PDZRN4: variants seen among roughly 807,000 people sequenced by gnomAD.
The protein encoded by PDZRN4 is PDZ domain-containing RING finger protein 4.
In PDZRN4, 70 loss-of-function variants were observed where a neutral mutation model predicts 99.0. The observed-to-expected ratio is 0.71, with a 90% CI of 0.58 to 0.86. The LOEUF (loss-of-function observed/expected upper bound fraction) is 0.86. Among genes scored for constraint, PDZRN4 ranks in the 40% least tolerant of loss-of-function variants. The pLI, the probability that PDZRN4 is intolerant of heterozygous loss-of-function variation, is 0.00. For synonymous variants in PDZRN4, 551 were observed against 501.6 expected (o/e 1.10, Z -1.32); for missense variants, 1,474 against 1,331.2 (o/e 1.11, Z -1.67).
intron 3 of PDZRN4, among the ~76,000 whole-genome samples, chr12:41,312,390 G>C (rs989859545): frequency 6.6e-6 from 1 of 152,094 alleles, no homozygotes. Flanking sequence ...TCCAGGTCTT[G>C]TAGTATCTTC....
At chr12:41,331,014 C>T (rs534951046) in intron 3 of PDZRN4, among the ~76,000 whole-genome samples, 7 of 152,218 alleles carry the variant, frequency 4.6e-5, no homozygotes, top group Middle Eastern at 3.4e-3. Context: ...GAGAGAATTA[C>T]TGAAGTGGAT....
At chr12:41,235,208 A>G (rs1489048888) in intron 3 of PDZRN4, among the ~76,000 whole-genome samples, 2 of 152,118 alleles carry the variant, frequency 1.3e-5, no homozygotes, top group East Asian at 3.9e-4. Context: ...ACAATCAAAT[A>G]TGAACTCTTC....
intron 1 of PDZRN4, among the ~76,000 whole-genome samples, chr12:41,190,346 G>A (rs1404403473): frequency 6.6e-6 from 1 of 152,254 alleles, no homozygotes; most frequent in South Asian, 2.1e-4. Flanking sequence ...ATACATATAC[G>A]CATATATACA....
At chr12:41,390,500 C>T (rs1952202617) in intron 3 of PDZRN4, among the ~76,000 whole-genome samples, 1 of 147,858 alleles carries the variant, frequency 6.8e-6, no homozygotes, top group African/African-American at 2.5e-5. Context: ...AGAATTTTGC[C>T]CCATACTCTC....
intron 3 of PDZRN4, among the ~76,000 whole-genome samples, chr12:41,268,955 C>A (rs530156494): frequency 6.6e-6 from 1 of 152,298 alleles, no homozygotes; most frequent in African/African-American, 2.4e-5. Context: ...TAATACAATT[C>A]TGTATAGTAA....
intron 3 of PDZRN4, among the ~76,000 whole-genome samples, chr12:41,445,358 A>G (rs1342710036): frequency 6.6e-6 from 1 of 152,066 alleles, no homozygotes; most frequent in African/African-American, 2.4e-5. Context: ...TTTGTTATTC[A>G]TTTCCAATCA....
intron 3 of PDZRN4, among the ~76,000 whole-genome samples, chr12:41,309,411 G>C (rs1270834963): frequency 6.6e-6 from 1 of 151,776 alleles, no homozygotes. Flanking sequence ...AAAGAGAAGG[G>C]GGCTGAACTT....
chr12:41,273,333 C>T (rs1301069644), intron 3 of PDZRN4, among the ~76,000 whole-genome samples: 1 of 151,964 alleles, frequency 6.6e-6, no homozygotes, highest in Non-Finnish European at 1.5e-5. Context: ...CTGGCAAGCG[C>T]AAGAATGATC....
intron 3 of PDZRN4, among the ~76,000 whole-genome samples, chr12:41,340,655 A>G (rs966119436): frequency 6.6e-6 from 1 of 151,862 alleles, no homozygotes; most frequent in Non-Finnish European, 1.5e-5. Flanking sequence ...CCCTGATGTG[A>G]TTATCATATA....
At chr12:41,451,226 G>A (rs906116101) in intron 3 of PDZRN4, among the ~76,000 whole-genome samples, 1 of 150,808 alleles carries the variant, frequency 6.6e-6, no homozygotes, top group Non-Finnish European at 1.5e-5. Context: ...TAGACTAAAT[G>A]GCTTAATTTA....
At chr12:41,442,807 T>C (rs1278067780) in intron 3 of PDZRN4, among the ~76,000 whole-genome samples, 2 of 152,062 alleles carry the variant, frequency 1.3e-5, no homozygotes, top group African/African-American at 4.8e-5. Flanking sequence ...TCTATGAGGA[T>C]CTGACCTACC....
intron 3 of PDZRN4, among the ~76,000 whole-genome samples, chr12:41,215,960 G>A (rs113975139): frequency 0.017 from 2,604 of 151,804 alleles, 53 homozygotes; most frequent in African/African-American, 0.047. Context: ...ATCATAAAGT[G>A]TTCTACAAAT....
chr12:41,211,145 C>T (rs1950885674), intron 3 of PDZRN4, among the ~76,000 whole-genome samples: 1 of 151,994 alleles, frequency 6.6e-6, no homozygotes, highest in Non-Finnish European at 1.5e-5. Flanking sequence ...ATATTTCCAG[C>T]TGCCAGAGTT....
chr12:41,361,954 T>A (rs1443347285), intron 3 of PDZRN4, among the ~76,000 whole-genome samples: 1 of 152,052 alleles, frequency 6.6e-6, no homozygotes, highest in Non-Finnish European at 1.5e-5. Flanking sequence ...GACATTGAGA[T>A]GGATGAAGCC....
chr12:41,571,424 C>T (rs10444591), intron 9 of PDZRN4, among the ~76,000 whole-genome samples: 1 of 147,464 alleles, frequency 6.8e-6, no homozygotes, highest in Non-Finnish European at 1.5e-5. Flanking sequence ...AACATACATG[C>T]ATGCCTATAT....
chr12:41,368,728 T>A (rs898493199), intron 3 of PDZRN4, among the ~76,000 whole-genome samples: 1 of 152,092 alleles, frequency 6.6e-6, no homozygotes, highest in African/African-American at 2.4e-5. Context: ...TATTATTTGT[T>A]CTTTAAAGGA....
chr12:41,454,647 G>T (rs906753641), intron 3 of PDZRN4, among the ~76,000 whole-genome samples: 11 of 152,184 alleles, frequency 7.2e-5, no homozygotes, highest in African/African-American at 2.4e-4. Context: ...GATGGCAGGA[G>T]ATATTCTAGG....
At chr12:41,388,886 A>T (rs1952191106) in intron 3 of PDZRN4, among the ~76,000 whole-genome samples, 1 of 152,144 alleles carries the variant, frequency 6.6e-6, no homozygotes. Context: ...TGAGTTTTTA[A>T]GAGTAAGGAC....
chr12:41,286,339 T>C (rs1373059614), intron 3 of PDZRN4, among the ~76,000 whole-genome samples: 61 of 31,916 alleles, frequency 1.9e-3, no homozygotes, highest in African/African-American at 2.5e-3. Context: ...TCTTCTTCTT[T>C]TTTTTTTTTT....
Sources: gnomAD v4.1 joint callset for allele counts (sites outside exome capture counted in the v4.1 genomes callset) on GRCh38, gnomAD v4.1.1 for gene constraint, MANE v1.5 for transcripts, NCBI Gene and HGNC (gene_info 2026-07-23, HGNC 2026-07-21) for gene names.